Variants in ADAMTS2 observed in about 807,000 individuals in gnomAD.
The protein encoded by ADAMTS2 is A disintegrin and metalloproteinase with thrombospondin motifs 2.
ADAMTS2 carries 50 observed loss-of-function variants against 123.0 expected under a neutral mutation model. That is an observed-to-expected ratio of 0.41 (90% CI 0.32 to 0.51). The LOEUF (loss-of-function observed/expected upper bound fraction) is 0.51, where lower values mean the gene tolerates loss of function less well. Ranked by LOEUF, ADAMTS2 falls within the 20% of genes least tolerant of loss-of-function variation. The pLI, the probability that ADAMTS2 is intolerant of heterozygous loss-of-function variation, is 0.35. For missense variants in ADAMTS2, 1,494 were observed against 1,705.2 expected, an observed-to-expected ratio of 0.88 and a Z score of 2.18; for synonymous variants, 678 against 695.4, an observed-to-expected ratio of 0.98 and a Z score of 0.39.
chr5:179,172,079 C>T (rs1763831506), intron 5 of ADAMTS2, among the ~76,000 whole-genome samples: 1 of 152,212 alleles, frequency 6.6e-6, no homozygotes. Context: ...CCCTCACCAC[C>T]ATCAGTTCTC....
rs1317098739 is a variant in ADAMTS2 at position 179,234,077 on chromosome 5, T to C, written c.689-26362A>G. Among the ~76,000 whole-genome samples, 11 of 152,192 alleles carry C rather than the reference T, an allele frequency of 7.2e-5. No individual in the cohort carries two copies. Among genetic ancestry groups the C allele is most frequent in the African/African-American group, 2.7e-4 (11 of 41,458 alleles). On this transcript the variant is annotated intron_variant, in intron 3 of 21. Transcript: ENST00000251582. This position sits in a 1 kb window ranked among gnomAD's most constrained non-coding sequence, Gnocchi z 4.7. ...GGCCCTTCCACAGCCCGACTCCCCG[T>C]GGACTCTGCAGGTTTCCTAATGTCC...
intron 3 of ADAMTS2, among the ~76,000 whole-genome samples, chr5:179,231,943 G>A (rs78316527): frequency 6.7e-6 from 1 of 149,236 alleles, no homozygotes. Flanking sequence ...AAAAGAAAAA[G>A]AAAAAAAAAA....
In ADAMTS2 at chr5:179,122,856, G is replaced by A. The variant is rs898186593; in HGVS notation, c.2959-83C>T. On this transcript the variant is annotated intron_variant, in intron 19 of 21. Transcript: ENST00000251582. Reference sequence around the variant, plus strand: ...GAGCTGGAGGAGCCCACAGTCCCCAGGCACATGACCCATGCGCTCAGGAGG... The same window carrying A: ...GAGCTGGAGGAGCCCACAGTCCCCAAGCACATGACCCATGCGCTCAGGAGG... 6.5e-6 allele frequency: 10 copies of A among 1,540,400 alleles called. No homozygotes were observed. In the Admixed American group the frequency reaches 9.8e-5, roughly 15 times the overall value.
In ADAMTS2 at chr5:179,225,872, C is replaced by G. The variant is rs1765270594; in HGVS notation, c.689-18157G>C. Among the ~76,000 whole-genome samples the G allele has an allele frequency of 6.6e-6, 1 of 152,210 alleles. No homozygotes were observed. The highest frequency in any genetic ancestry group is 6.5e-5 in the Admixed American group (1 of 15,288). On this transcript the variant is annotated intron_variant, in intron 3 of 21. Transcript: ENST00000251582. The surrounding 1 kb of genome is among the most constrained non-coding windows in gnomAD (Gnocchi z 4.5). Reference sequence around the variant, plus strand: ...GGAAGAACCCGAGATACAGAAAGCCCTCTGTCCTTGCGACAAGGTAGAGGG... The same window carrying G: ...GGAAGAACCCGAGATACAGAAAGCCGTCTGTCCTTGCGACAAGGTAGAGGG...
chr5:179,157,393 ACACC>A (rs1763494277), intron 6 of ADAMTS2, among the ~76,000 whole-genome samples: 1 of 152,226 alleles, frequency 6.6e-6, no homozygotes, highest in Non-Finnish European at 1.5e-5. Flanking sequence ...GGTCAGGGCA[ACACC>A]TGGCTGCGCT....
At chr5:179,335,825 G>A (rs1757597762) in intron 2 of ADAMTS2, among the ~76,000 whole-genome samples, 1 of 152,146 alleles carries the variant, frequency 6.6e-6, no homozygotes, top group Non-Finnish European at 1.5e-5. Flanking sequence ...CGCGTGGGAG[G>A]GATGGGCAGG....
chr5:179,212,290 G>A lies in ADAMTS2; in HGVS notation c.689-4575C>T, dbSNP rs116130971. 8.1e-3 allele frequency among the ~76,000 whole-genome samples: 1,019 copies of A among 126,216 alleles called. 62 individuals are homozygous for A. The highest frequency in any genetic ancestry group is 0.026 in the African/African-American group (863 of 32,652). 82.8% of individuals were successfully genotyped at this position (126,216 alleles called of 152,430 possible). A position where few individuals can be genotyped will look rare whatever the true frequency, so the allele number is the denominator to read the frequency against. On this transcript the variant is annotated intron_variant, in intron 3 of 21. Coordinates refer to ENST00000251582, the MANE Select transcript of ADAMTS2 (RefSeq NM_014244.5). Reference sequence around the variant, plus strand: ...CTGAAGGCAGGTGCAGTGAGCAGGCGTGGGCCCTGAAGGCAGGTGCAGTGA... The same window carrying A: ...CTGAAGGCAGGTGCAGTGAGCAGGCATGGGCCCTGAAGGCAGGTGCAGTGA...
intron 3 of ADAMTS2, among the ~76,000 whole-genome samples, chr5:179,209,529 C>CATGT (rs1460465990): frequency 7.5e-6 from 1 of 133,862 alleles, no homozygotes; most frequent in Non-Finnish European, 1.7e-5. Context: ...CATGCACACA[C>CATGT]ACACACATGC....
intron 1 of ADAMTS2, among the ~76,000 whole-genome samples, chr5:179,344,979 G>A (rs1189415609): frequency 2.6e-5 from 4 of 152,064 alleles, no homozygotes; most frequent in Non-Finnish European, 5.9e-5. Flanking sequence ...CCAGTGCTCC[G>A]AGGCTCCCCC....
At chr5:179,141,928 G>A (rs1390724889) in intron 10 of ADAMTS2, among the ~76,000 whole-genome samples, 2 of 152,104 alleles carry the variant, frequency 1.3e-5, no homozygotes, top group Non-Finnish European at 2.9e-5. Context: ...TTATAGGGTA[G>A]AGGTTCCATG....
intron 3 of ADAMTS2, among the ~76,000 whole-genome samples, chr5:179,264,561 G>A (rs2113495574): frequency 6.6e-6 from 1 of 152,374 alleles, no homozygotes; most frequent in African/African-American, 2.4e-5. Context: ...TGTACTGTCT[G>A]CATGCCAGGG....
intron 3 of ADAMTS2, among the ~76,000 whole-genome samples, chr5:179,258,308 G>A (rs1384616573): frequency 2.0e-5 from 3 of 149,544 alleles, no homozygotes; most frequent in Admixed American, 6.7e-5. Context: ...TGAACTCCTC[G>A]TCAACTTGAC....
chr5:179,130,147 A>G lies in ADAMTS2; in HGVS notation c.2291-49T>C, dbSNP rs925696554. 2 of 1,611,450 alleles carry G rather than the reference A, an allele frequency of 1.2e-6. No homozygotes were observed. Among genetic ancestry groups the G allele is most frequent in the South Asian group, 1.1e-5 (1 of 90,794 alleles). On this transcript the variant is annotated intron_variant, in intron 15 of 21. Coordinates refer to ENST00000251582, the MANE Select transcript of ADAMTS2 (RefSeq NM_014244.5). This position sits in a 1 kb window ranked among gnomAD's most constrained non-coding sequence, Gnocchi z 4.3. ...CCCGTTGTGGTCACCCAAGAGCAGGACCCAGGCCCACTGGTTTGGGCTGGT... is the reference window on the plus strand; with the variant it reads ...CCCGTTGTGGTCACCCAAGAGCAGGGCCCAGGCCCACTGGTTTGGGCTGGT...
intron 3 of ADAMTS2, among the ~76,000 whole-genome samples, chr5:179,255,584 T>G (rs1395759787): frequency 6.6e-6 from 1 of 152,170 alleles, no homozygotes; most frequent in East Asian, 1.9e-4. Context: ...CAATTCAATC[T>G]TGGGGTCCCC....
chr5:179,162,617 G>T lies in ADAMTS2; in HGVS notation c.976-3738C>A, dbSNP rs961312596. Among the ~76,000 whole-genome samples, 10 of 152,184 alleles carry T rather than the reference G, an allele frequency of 6.6e-5. No homozygotes were observed. Among genetic ancestry groups the T allele is most frequent in the Non-Finnish European group, 1.5e-4 (10 of 68,028 alleles). ...TTACCCCACACGGTCGCCCCTGCTC[G>T]AGGGACCCAAGAGACAACAAGAGAA... On this transcript the variant is annotated intron_variant, in intron 5 of 21. Coordinates refer to ENST00000251582, the MANE Select transcript of ADAMTS2 (RefSeq NM_014244.5). This position sits in a 1 kb window ranked among gnomAD's most constrained non-coding sequence, Gnocchi z 5.1.
chr5:179,165,450 C>T (rs1312476764), intron 5 of ADAMTS2, among the ~76,000 whole-genome samples: 1 of 152,204 alleles, frequency 6.6e-6, no homozygotes, highest in Non-Finnish European at 1.5e-5. Flanking sequence ...CTTCCAGCTG[C>T]CTGCTCGGCT....
Position 179,262,712 on chromosome 5 carries a change from G to T in ADAMTS2, c.688+10199C>A, listed in dbSNP as rs1018066661. Among the ~76,000 whole-genome samples, 4 of 152,200 alleles carry T rather than the reference G, an allele frequency of 2.6e-5. No individual in the cohort carries two copies. The highest frequency in any genetic ancestry group is 2.1e-4 in the South Asian group (1 of 4,832). ...CCTCCCTTACCTGCCTTCTCACGCTGCCCTTTCACCCCGTTTTACTTTGTT... is the reference window on the plus strand; with the variant it reads ...CCTCCCTTACCTGCCTTCTCACGCTTCCCTTTCACCCCGTTTTACTTTGTT... On this transcript the variant is annotated intron_variant, in intron 3 of 21. Coordinates refer to ENST00000251582, the MANE Select transcript of ADAMTS2 (RefSeq NM_014244.5). The surrounding 1 kb of genome is among the most constrained non-coding windows in gnomAD (Gnocchi z 5.9).
chr5:179,127,574 G>A lies in ADAMTS2; in HGVS notation c.2617+385C>T, dbSNP rs186927013. ...ATCTGGGAGGCTTTTCCCAGTGAAC[G>A]GAGAGAGAAGCCTCTGGAGGTGTCA... is the stretch of plus-strand genomic sequence containing the variant. On this transcript the variant is annotated intron_variant, in intron 17 of 21. Transcript: ENST00000251582. Among the ~76,000 whole-genome samples the A allele has an allele frequency of 4.6e-5, 7 of 152,186 alleles. No individual in the cohort carries two copies. In the East Asian group the frequency reaches 9.7e-4, roughly 21 times the overall value.
rs564638130 is a variant in ADAMTS2, at chr5:179,288,086, A to AC, written c.535-15023dup. On this transcript the variant is annotated intron_variant, in intron 2 of 21. Coordinates refer to ENST00000251582, the MANE Select transcript of ADAMTS2 (RefSeq NM_014244.5). ...ATCAGGCAGTTTTCCCAGCCAGAGG[A>AC]CCCCCCCTTTCACTTTCCATCACAG... is the stretch of plus-strand genomic sequence containing the variant. 1.3e-3 allele frequency among the ~76,000 whole-genome samples: 199 copies of AC among 149,156 alleles called. 1 individual carries two copies. Among genetic ancestry groups the AC allele is most frequent in the African/African-American group, 4.6e-3 (184 of 40,412 alleles).
Sources: gnomAD v4.1 joint callset for allele counts (sites outside exome capture counted in the v4.1 genomes callset) on GRCh38, gnomAD v4.1.1 for gene constraint, Gnocchi (gnomAD v3.1) non-coding constraint, MANE v1.5 for transcripts, NCBI Gene and HGNC (gene_info 2026-07-23, HGNC 2026-07-21) for gene names.